The following LAMP3 variants were observed in gnomAD, a reference collection of about 807,000 sequenced individuals.
The protein encoded by LAMP3 is lysosome associated membrane protein 3, also known as lysosome-associated membrane glycoprotein 3.
A neutral mutation model predicts 34.8 loss-of-function variants in LAMP3; 26 were observed. The ratio of observed to expected loss-of-function variants is 0.75; its 90% CI spans 0.55 to 1.04. The LOEUF (loss-of-function observed/expected upper bound fraction) is 1.04, where lower values mean the gene tolerates loss of function less well. Ranked by LOEUF, LAMP3 falls within the 50% of genes least tolerant of loss-of-function variation. The pLI, the probability that LAMP3 is intolerant of heterozygous loss-of-function variation, is 0.00. For synonymous variants in LAMP3, 180 were observed against 201.9 expected (o/e 0.89, Z 0.92); for missense variants, 495 against 524.0 (o/e 0.94, Z 0.54).
chr3:183,162,677 T>C lies in LAMP3; in HGVS notation c.-22A>G, dbSNP rs1721014884. 6.6e-7 allele frequency: 1 copy of C among 1,516,582 alleles called. No individual in the cohort carries two copies. The highest frequency in any genetic ancestry group is 1.2e-5 in the South Asian group (1 of 80,760). The allele number at this position is 1,516,582 out of a possible 1,614,324, so 93.9% of individuals were successfully genotyped here. ...GCATGGTGGGCGCTGGGCGAGGTTCTGCAGCGTGCGGCGAAGTCCGGGCAG... is the reference window on the plus strand; with the variant it reads ...GCATGGTGGGCGCTGGGCGAGGTTCCGCAGCGTGCGGCGAAGTCCGGGCAG... On this transcript the variant is annotated 5_prime_UTR_variant, in exon 1 of 6. Transcript: ENST00000265598.
intron 3 of LAMP3, 26 bp downstream of exon 3, chr3:183,152,348 GT>G (rs1277497881): frequency 6.3e-7 from 1 of 1,579,480 alleles, no homozygotes; most frequent in East Asian, 2.3e-5. Flanking sequence ...ACCAGATGCA[GT>G]TTGTGCAAAG....
intron 1 of LAMP3, among the ~76,000 whole-genome samples, chr3:183,156,224 G>A (rs999095532): frequency 5.9e-5 from 9 of 152,318 alleles, no homozygotes; most frequent in Admixed American, 4.6e-4. Context: ...GCTGGGCATG[G>A]TGACACAGTG....
At chr3:183,140,144 C>A (rs941786937) in intron 4 of LAMP3, among the ~76,000 whole-genome samples, 1 of 152,110 alleles carries the variant, frequency 6.6e-6, no homozygotes, top group African/African-American at 2.4e-5. Context: ...CAGTGGCTCA[C>A]GCCTGTAATC....
intron 1 of LAMP3, among the ~76,000 whole-genome samples, chr3:183,159,568 A>G (rs1720917672): frequency 6.6e-6 from 1 of 152,156 alleles, no homozygotes; most frequent in Non-Finnish European, 1.5e-5. Context: ...GTTTTCTGGC[A>G]CCTCTAGGGG....
intron 1 of LAMP3, among the ~76,000 whole-genome samples, chr3:183,156,540 A>G (rs567950194): frequency 2.0e-5 from 3 of 152,342 alleles, no homozygotes; most frequent in Non-Finnish European, 2.9e-5. Context: ...ACGCTATGCT[A>G]GTATTTACAA....
chr3:183,142,614 T>C (rs1025031027), intron 3 of LAMP3, among the ~76,000 whole-genome samples: 1 of 151,990 alleles, frequency 6.6e-6, no homozygotes, highest in African/African-American at 2.4e-5. Context: ...ATGTAGTTTG[T>C]AGGTGAGACA....
At chr3:183,132,951 C>T (rs1719971415) in intron 5 of LAMP3, 1 of 985,200 alleles carries the variant, frequency 1.0e-6, no homozygotes, top group Admixed American at 6.1e-5. Context: ...CTGAAGCATT[C>T]ATCCGCTGTA....
chr3:183,141,039 C>T (rs375366366), intron 3 of LAMP3, among the ~76,000 whole-genome samples: 3 of 152,314 alleles, frequency 2.0e-5, no homozygotes, highest in African/African-American at 7.2e-5. Context: ...TTCCATCTGG[C>T]TTAGAAGGCT....
At position 183,124,098 on chromosome 3, in the gene LAMP3, C is replaced by T; in HGVS notation, c.1234G>A (p.Gly412Arg). The change falls in exon 6 of 6, where the codon GGA (glycine) becomes AGA (arginine). Residue 412 changes from glycine (G) to arginine (R), a missense_variant. Coordinates refer to ENST00000265598, the MANE Select transcript of LAMP3 (RefSeq NM_014398.4). ...YKIRLRCQSSGYQRI is the reference protein window; with the variant it reads ...YKIRLRCQSSRYQRI ...GGCAACAATTAGATTCTCTGGTATC[C>T]AGATGATTGACACCTTAGGCGGATT... 6.2e-7 allele frequency: 1 copy of T among 1,614,052 alleles called. No individual in the cohort carries two copies. The highest frequency in any genetic ancestry group is 8.5e-7 in the Non-Finnish European group (1 of 1,179,982).
At chr3:183,162,849 G>C, upstream of LAMP3, 1 of 541,694 alleles carries the variant, frequency 1.8e-6, no homozygotes, top group Non-Finnish European at 3.1e-6. Context: ...GCAGGGAGGG[G>C]CGGGGACTCG....
intron 5 of LAMP3, among the ~76,000 whole-genome samples, chr3:183,127,895 G>T (rs892085680): frequency 6.6e-6 from 1 of 152,148 alleles, no homozygotes; most frequent in African/African-American, 2.4e-5. Context: ...ACTTTGGGAG[G>T]CTGAGGCAGG....
Position 183,123,047 on chromosome 3 carries a change from T to C in LAMP3, c.*1034A>G, listed in dbSNP as rs1719706026. 6.6e-6 allele frequency: 1 copy of C among 152,242 alleles called. No individual in the cohort carries two copies. The highest frequency in any genetic ancestry group is 2.4e-5 in the African/African-American group (1 of 41,466). 9.4% of individuals were successfully genotyped at this position (152,242 alleles called of 1,614,324 possible). On this transcript the variant is annotated 3_prime_UTR_variant, in exon 6 of 6. Coordinates refer to ENST00000265598, the MANE Select transcript of LAMP3 (RefSeq NM_014398.4). ...TGAAATGAGATATAGATAAAGTGCT[T>C]AGCCTAGACTCTGGCACTTTGTTAA...
At chr3:183,140,029 A>G (rs1477726770) in intron 4 of LAMP3, among the ~76,000 whole-genome samples, 2 of 152,190 alleles carry the variant, frequency 1.3e-5, no homozygotes, top group Non-Finnish European at 2.9e-5. Flanking sequence ...CTCCTTTATG[A>G]GCAGATGGGC....
upstream of LAMP3, among the ~76,000 whole-genome samples, chr3:183,163,290 CTTTTG>C (rs142758488): frequency 0.36 from 52,846 of 146,122 alleles, 12,223 homozygotes; most frequent in African/African-American, 0.65. Context: ...CTTTTTATTT[CTTTTG>C]TTTTGTTTTG....
At chr3:183,126,526 C>T (rs1719782644) in intron 5 of LAMP3, among the ~76,000 whole-genome samples, 1 of 143,030 alleles carries the variant, frequency 7.0e-6, no homozygotes, top group African/African-American at 2.9e-5. Flanking sequence ...CATGTAGTTC[C>T]TCTGTGAATG....
chr3:183,146,323 G>A (rs542990438), intron 3 of LAMP3, among the ~76,000 whole-genome samples: 84 of 152,278 alleles, frequency 5.5e-4, no homozygotes, highest in African/African-American at 1.9e-3. Context: ...GTTGAGAAGT[G>A]CTGGTTTAGA....
intron 1 of LAMP3, among the ~76,000 whole-genome samples, chr3:183,158,881 T>TC (rs1720896677): frequency 6.6e-6 from 1 of 150,746 alleles, no homozygotes; most frequent in Non-Finnish European, 1.5e-5. Context: ...GACAAGTGTT[T>TC]TTTTTTGTCT....
In LAMP3 at chr3:183,124,038, G is replaced by A. The variant is rs377146970; in HGVS notation, c.*43C>T. On this transcript the variant is annotated 3_prime_UTR_variant, in exon 6 of 6. Coordinates refer to ENST00000265598, the MANE Select transcript of LAMP3 (RefSeq NM_014398.4). ...AACATCCATCCTGGAAGGGATGAAAGAGTTCTCTAAATTCCATTATTTTCA... is the reference window on the plus strand; with the variant it reads ...AACATCCATCCTGGAAGGGATGAAAAAGTTCTCTAAATTCCATTATTTTCA... The A allele has an allele frequency of 8.7e-6, 14 of 1,610,670 alleles. No individual in the cohort carries two copies. The highest frequency in any genetic ancestry group is 1.2e-5 in the Non-Finnish European group (14 of 1,177,318).
At chr3:183,146,735 C>T (rs1468930282) in intron 3 of LAMP3, among the ~76,000 whole-genome samples, 2 of 151,832 alleles carry the variant, frequency 1.3e-5, no homozygotes, top group African/African-American at 4.8e-5. Context: ...GCCATGTTGG[C>T]CAGGCTGGTC....
Sources: allele counts gnomAD v4.1 joint callset (sites outside exome capture counted in the v4.1 genomes callset), GRCh38; gene constraint gnomAD v4.1.1; transcripts MANE v1.5; gene names NCBI Gene and HGNC (gene_info 2026-07-23, HGNC 2026-07-21).